Variants in THOC2 observed in about 807,000 individuals in gnomAD.
THOC2 encodes THO complex 2.
In THOC2, 10 loss-of-function variants were observed where a neutral mutation model predicts 128.4. That is an observed-to-expected ratio of 0.08 (90% CI 0.05 to 0.13). The LOEUF (loss-of-function observed/expected upper bound fraction) is 0.13. THOC2 is among the 10% of genes least tolerant of loss of function. The pLI is 1.00. For missense variants in THOC2, 535 were observed against 1,155.7 expected (o/e 0.46, Z 7.79); for synonymous variants, 393 against 396.9 (o/e 0.99, Z 0.12).
In THOC2 at chrX:123,696,825, T is replaced by C. The variant is rs748784440; in HGVS notation, c.363A>G (p.Thr121=). ...CTGGATCCAGGCGTTCCTTTAGAACTGTGTCTGAAACTAAATACTGTATTA... is the reference window on the plus strand; with the variant it reads ...CTGGATCCAGGCGTTCCTTTAGAACCGTGTCTGAAACTAAATACTGTATTA... ...VLACLYLVSD[T]VLKERLDPET... The change falls in exon 6 of 39, where the codon ACA becomes ACG. Residue 121 remains threonine, a synonymous_variant. Coordinates refer to ENST00000245838, the MANE Select transcript of THOC2 (RefSeq NM_001081550.2). 5.0e-6 allele frequency: 6 copies of C among 1,193,830 alleles called. No individual in the cohort carries two copies. The South Asian group carries it at 1.1e-4, about 22-fold the overall frequency.
At position 123,604,669 on chromosome X, in the gene THOC2, T is replaced by C. The variant is rs895042096; in HGVS notation, c.*19-3331A>G. 2.7e-5 allele frequency among the ~76,000 whole-genome samples: 3 copies of C among 111,908 alleles called. No individual in the cohort carries two copies. In the South Asian group the frequency reaches 1.1e-3, roughly 42 times the overall value. On this transcript the variant is annotated intron_variant, in intron 38 of 38. Coordinates refer to ENST00000245838, the MANE Select transcript of THOC2 (RefSeq NM_001081550.2). ...ACATACACGCTTTTTAATTTTATGATCAAATTCACCAAAAAGGTCCTAAGA... is the reference window on the plus strand; with the variant it reads ...ACATACACGCTTTTTAATTTTATGACCAAATTCACCAAAAAGGTCCTAAGA...
chrX:123,678,557 G>A (rs775269762), intron 8 of THOC2, among the ~76,000 whole-genome samples: 21 of 110,505 alleles, frequency 1.9e-4, no homozygotes, highest in African/African-American at 2.6e-4. Flanking sequence ...GTGAGCTACC[G>A]TGCCTGGCCC....
chrX:123,630,932 C>T (rs1306893875), intron 22 of THOC2, among the ~76,000 whole-genome samples: 1 of 112,158 alleles, frequency 8.9e-6, no homozygotes. Flanking sequence ...TGTTTTCTTC[C>T]AAGCCTGAGA....
At chrX:123,700,502 C>A (rs1171265932) in intron 4 of THOC2, among the ~76,000 whole-genome samples, 1 of 28,125 alleles carries the variant, frequency 3.6e-5, no homozygotes, top group Non-Finnish European at 6.3e-5. Flanking sequence ...ACTCCATTCT[C>A]GGGGCGGGGC....
chrX:123,667,184 T>C lies in THOC2; in HGVS notation c.1112A>G (p.Tyr371Cys), dbSNP rs2049082704. The C allele has an allele frequency of 1.7e-6, 2 of 1,205,577 alleles. No homozygotes were observed. Among genetic ancestry groups the C allele is most frequent in the African/African-American group, 1.7e-5 (1 of 57,681 alleles). ...TATTAGCTTGTGTGAAGCTGCATAG[T>C]ATGGAGGCATCTGATCCATAATGTT... ...AQNIMDQMPP[Y>C]YAASHKLIAL... Residue 371 changes from tyrosine to cysteine, a missense_variant, in exon 11 of 39, where the codon TAC (tyrosine) becomes TGC (cysteine). Physicochemically the swap from Tyr to Cys is radical, Grantham distance 194 (BLOSUM62 -2). Transcript: ENST00000245838.
At chrX:123,682,417 A>G (rs928098464) in intron 8 of THOC2, among the ~76,000 whole-genome samples, 4 of 111,514 alleles carry the variant, frequency 3.6e-5, no homozygotes, top group African/African-American at 1.3e-4. Context: ...GTTCTACTCA[A>G]TCACTCTGAT....
Position 123,614,115 on chromosome X carries a change from C to T in THOC2, c.4386G>A (p.Lys1462=). The T allele has an allele frequency of 2.5e-6, 3 of 1,206,434 alleles. No homozygotes were observed. Among genetic ancestry groups the T allele is most frequent in the Non-Finnish European group, 3.4e-6 (3 of 891,702 alleles). Residue 1462 remains lysine (K), a synonymous_variant, in exon 34 of 39, where the codon AAG becomes AAA. Coordinates refer to ENST00000245838, the MANE Select transcript of THOC2 (RefSeq NM_001081550.2). ...EREMDKKDLD[K]SRERSREREK... is the part of the protein sequence containing the mutation. The stretch of plus-strand genomic sequence containing the variant: ...CTCTTTCTCTGGATCTTTCCCTTGA[C>T]TTGTCCAAATCTTTCTTGTCCATTT...
At chrX:123,680,525 C>CT (rs1231864913) in intron 8 of THOC2, among the ~76,000 whole-genome samples, 2 of 110,038 alleles carry the variant, frequency 1.8e-5, no homozygotes, top group South Asian at 8.3e-4. Context: ...CCTGGGCCCC[C>CT]TTTTTTTCTT....
chrX:123,669,410 C>G (rs2049174291), intron 9 of THOC2, among the ~76,000 whole-genome samples: 1 of 109,547 alleles, frequency 9.1e-6, no homozygotes, highest in Non-Finnish European at 1.9e-5. Context: ...ATCTCTGCCT[C>G]CCGGCTTCAA....
intron 2 of THOC2, 102 bp from the exon 3 acceptor site, chrX:123,707,051 T>C (rs758729685): frequency 1.5e-5 from 5 of 344,272 alleles, no homozygotes; most frequent in Non-Finnish European, 9.7e-6. Context: ...ACATCAATAA[T>C]GAAAAATATA....
chrX:123,646,531 G>A (rs2048134314), intron 12 of THOC2, among the ~76,000 whole-genome samples: 1 of 111,860 alleles, frequency 8.9e-6, no homozygotes, highest in African/African-American at 3.3e-5. Flanking sequence ...GTATGCATAC[G>A]CTTTCACACT....
chrX:123,656,747 C>T (rs1237480428), intron 12 of THOC2, among the ~76,000 whole-genome samples: 3 of 110,016 alleles, frequency 2.7e-5, no homozygotes, highest in Non-Finnish European at 3.8e-5. Context: ...TGGTGGCTCA[C>T]GCCTGTAATT....
chrX:123,724,993 G>C (rs975267597), intron 1 of THOC2, among the ~76,000 whole-genome samples: 6 of 111,139 alleles, frequency 5.4e-5, no homozygotes, highest in Non-Finnish European at 1.1e-4. Context: ...TGGGAGGATC[G>C]CCAGAGCCCA....
intron 3 of THOC2, among the ~76,000 whole-genome samples, chrX:123,705,018 T>C (rs2050868445): frequency 8.9e-6 from 1 of 112,113 alleles, no homozygotes; most frequent in African/African-American, 3.2e-5. Flanking sequence ...CAGTTAACAG[T>C]TGGCTGGCAG....
chrX:123,628,626 A>G (rs772358760), intron 22 of THOC2, among the ~76,000 whole-genome samples: 25 of 109,401 alleles, frequency 2.3e-4, no homozygotes, highest in Middle Eastern at 4.7e-3. Context: ...TGAGAGGATC[A>G]CTTGAACCCC....
At chrX:123,704,428 G>A (rs1236461673) in intron 3 of THOC2, among the ~76,000 whole-genome samples, 1 of 111,629 alleles carries the variant, frequency 9.0e-6, no homozygotes, top group African/African-American at 3.3e-5. Flanking sequence ...GGTTTCTATC[G>A]AATCCATCAT....
intron 1 of THOC2, 105 bp from the exon 2 acceptor site, chrX:123,713,013 C>A (rs1220622250): frequency 4.1e-6 from 2 of 486,472 alleles, no homozygotes; most frequent in Non-Finnish European, 6.7e-6. Context: ...TTTAATCAAG[C>A]ATTTATTCTG....
At chrX:123,723,362 G>A (rs2051791696) in intron 1 of THOC2, among the ~76,000 whole-genome samples, 1 of 111,425 alleles carries the variant, frequency 9.0e-6, no homozygotes, top group Non-Finnish European at 1.9e-5. Flanking sequence ...AGTGTACACT[G>A]AAATAGCCTG....
At chrX:123,650,742 T>C (rs773199604) in intron 12 of THOC2, among the ~76,000 whole-genome samples, 1 of 112,052 alleles carries the variant, frequency 8.9e-6, no homozygotes, top group Admixed American at 9.5e-5. Context: ...GGGATCAACG[T>C]AACAAGAAGA....
Sources: gnomAD v4.1 joint callset for allele counts (sites outside exome capture counted in the v4.1 genomes callset) on GRCh38, gnomAD v4.1.1 for gene constraint, MANE v1.5 for transcripts, NCBI Gene and HGNC (gene_info 2026-07-23, HGNC 2026-07-21) for gene names.